The following ZC3H11A variants were observed in gnomAD, a reference collection of about 807,000 sequenced individuals.
The protein encoded by ZC3H11A is zinc finger CCCH domain-containing protein 11A.
ZC3H11A carries 22 observed loss-of-function variants against 90.8 expected under a neutral mutation model. The observed-to-expected ratio is 0.24, with a 90% CI of 0.17 to 0.35. ZC3H11A has a LOEUF of 0.35. Among genes scored for constraint, ZC3H11A ranks in the 10% least tolerant of loss-of-function variants. The pLI is 1.00. For synonymous variants in ZC3H11A, 294 were observed against 339.8 expected (o/e 0.87, Z 1.48); for missense variants, 701 against 964.9 (o/e 0.73, Z 3.62).
chr1:203,833,758 A>G (rs1463680518), intron 9 of ZC3H11A, 33 bp from the exon 10 acceptor site: 1 of 1,592,000 alleles, frequency 6.3e-7, no homozygotes, highest in Non-Finnish European at 8.5e-7. Context: ...AAAATTGACT[A>G]AGGATAGAGA....
chr1:203,850,196 T>C, intron 15 of ZC3H11A, 170 bp downstream of exon 15: 1 of 689,050 alleles, frequency 1.5e-6, no homozygotes, highest in Non-Finnish European at 2.4e-6. Context: ...ACGAGATGAA[T>C]TCTTTTCTCA....
chr1:203,802,893 G>A lies in ZC3H11A; in HGVS notation c.-269G>A, dbSNP rs1156575400. The stretch of plus-strand genomic sequence containing the variant: ...CTGAGAGGTTTTCTTGGCAATGTGA[G>A]GAGGAAATTTTTTTCTGCCTCATTA... On this transcript the variant is annotated 5_prime_UTR_variant, in exon 2 of 18. Coordinates refer to ENST00000367210, the MANE Select transcript of ZC3H11A (RefSeq NM_001376342.1). 6.6e-6 allele frequency: 1 copy of A among 152,392 alleles called. No homozygotes were observed. Among genetic ancestry groups the A allele is most frequent in the Non-Finnish European group, 1.5e-5 (1 of 67,990 alleles). 9.4% of individuals were successfully genotyped at this position (152,392 alleles called of 1,614,324 possible).
intron 5 of ZC3H11A, 76 bp from the exon 6 acceptor site, chr1:203,829,375 A>G (rs1055062121): frequency 1.2e-5 from 18 of 1,448,800 alleles, no homozygotes; most frequent in African/African-American, 1.4e-5. Flanking sequence ...TATAGTTTTC[A>G]TAGGTGGTCA....
intron 2 of ZC3H11A, among the ~76,000 whole-genome samples, chr1:203,811,681 TGTATTTTCA>T (rs1257345905): frequency 6.6e-6 from 1 of 152,236 alleles, no homozygotes; most frequent in Non-Finnish European, 1.5e-5. Flanking sequence ...GCTAATTTTT[TGTATTTTCA>T]GTAGAGATGG....
intron 2 of ZC3H11A, among the ~76,000 whole-genome samples, chr1:203,816,053 C>T (rs11799648): frequency 3.3e-5 from 5 of 152,090 alleles, no homozygotes; most frequent in East Asian, 1.9e-4. Flanking sequence ...TAAGCTAGAT[C>T]GATAGACCTT....
chr1:203,832,906 C>G (rs1194653982), intron 9 of ZC3H11A, among the ~76,000 whole-genome samples: 1 of 152,154 alleles, frequency 6.6e-6, no homozygotes, highest in African/African-American at 2.4e-5. Context: ...GTTAAGAATA[C>G]AATCTGTCTT....
intron 4 of ZC3H11A, among the ~76,000 whole-genome samples, chr1:203,824,933 C>T (rs966494803): frequency 2.0e-5 from 3 of 151,708 alleles, no homozygotes; most frequent in African/African-American, 7.3e-5. Context: ...AAAAATTAGC[C>T]GGGCATGGTG....
intron 4 of ZC3H11A, among the ~76,000 whole-genome samples, chr1:203,820,270 G>A (rs1180817232): frequency 6.6e-6 from 1 of 151,264 alleles, no homozygotes; most frequent in Non-Finnish European, 1.5e-5. Context: ...TTCAAGTGTT[G>A]CACATAGTTG....
intron 12 of ZC3H11A, among the ~76,000 whole-genome samples, chr1:203,841,944 C>T (rs1241597695): frequency 1.5e-5 from 2 of 135,194 alleles, no homozygotes; most frequent in Admixed American, 7.2e-5. Flanking sequence ...GGCAGAGACA[C>T]TCCTCAGTTC....
rs148052821 is a variant in ZC3H11A at position 203,829,821 on chromosome 1, C to G, written c.544C>G (p.Leu182Val). The G allele has an allele frequency of 8.0e-4, 1,294 of 1,614,082 alleles. 3 individuals carry two copies. The highest frequency in any genetic ancestry group is 1.0e-3 in the Non-Finnish European group (1,215 of 1,179,972). The stretch of plus-strand genomic sequence containing the variant: ...AGGTGATGAAACCAAAACACCTACC[C>G]TGCAACCAACTCCTGAAGTTCACAA... ...EEGDETKTPT[L>V]QPTPEVHNGL... is the part of the protein sequence containing the mutation. Residue 182 changes from leucine to valine, a missense_variant, in exon 7 of 18, where the codon CTG becomes GTG. Leu to Val is a conservative substitution (Grantham distance 32, BLOSUM62 1). Transcript: ENST00000367210.
In ZC3H11A at chr1:203,838,067, A is replaced by G. The variant is rs748608963; in HGVS notation, c.973+3A>G. The G allele has an allele frequency of 1.4e-5, 22 of 1,613,794 alleles. No homozygotes were observed. The highest frequency in any genetic ancestry group is 1.7e-5 in the Admixed American group (1 of 59,958). Reference sequence around the variant, plus strand: ...CATTGACAAAACACCAAAGAAAGGTACCTGTGTTCTTACATACTTTGTGTG... The same window carrying G: ...CATTGACAAAACACCAAAGAAAGGTGCCTGTGTTCTTACATACTTTGTGTG... On this transcript the variant is annotated splice_donor_region_variant and intron_variant, in intron 11 of 17. Transcript: ENST00000367210.
chr1:203,842,710 T>C (rs1435973397), intron 12 of ZC3H11A, among the ~76,000 whole-genome samples: 6 of 151,162 alleles, frequency 4.0e-5, no homozygotes, highest in African/African-American at 1.5e-4. Context: ...TTATTCTAAT[T>C]TTGTAAAGAT....
At chr1:203,839,322 A>G (rs181580012) in intron 11 of ZC3H11A, among the ~76,000 whole-genome samples, 47 of 152,356 alleles carry the variant, frequency 3.1e-4, no homozygotes, top group Admixed American at 2.0e-3. Context: ...AAGTACAGGA[A>G]TGCACTATTG....
chr1:203,823,573 C>T (rs1392491952), intron 4 of ZC3H11A, among the ~76,000 whole-genome samples: 3 of 152,182 alleles, frequency 2.0e-5, no homozygotes, highest in African/African-American at 4.8e-5. Flanking sequence ...TAACTTGGAG[C>T]GTCTAAAAGC....
chr1:203,839,180 A>C (rs1292378135), intron 11 of ZC3H11A, among the ~76,000 whole-genome samples: 2 of 152,112 alleles, frequency 1.3e-5, no homozygotes, highest in Non-Finnish European at 2.9e-5. Context: ...ACGTGGACTA[A>C]ATCAAGAGAT....
At chr1:203,842,924 C>CTT (rs35820616) in intron 12 of ZC3H11A, among the ~76,000 whole-genome samples, 55 of 146,740 alleles carry the variant, frequency 3.7e-4, no homozygotes, top group East Asian at 1.8e-3. Flanking sequence ...AGCCTTCCGT[C>CTT]TTTTTTTTTT....
chr1:203,812,105 C>T (rs12118643), intron 2 of ZC3H11A, among the ~76,000 whole-genome samples: 74,175 of 152,022 alleles, frequency 0.49, 18,664 homozygotes, highest in Non-Finnish European at 0.53. Flanking sequence ...GTATGAGTCA[C>T]CACACTGGGC....
rs553171669 is a variant in ZC3H11A at position 203,833,618 on chromosome 1, GTTTT to G, written c.812-158_812-155del. Among the ~76,000 whole-genome samples the G allele has an allele frequency of 9.7e-4, 121 of 124,814 alleles. 1 individual carries two copies. Among genetic ancestry groups the G allele is most frequent in the African/African-American group, 3.5e-3 (118 of 34,056 alleles). 81.9% of individuals were successfully genotyped at this position (124,814 alleles called of 152,430 possible). ...GGCTGTTTATTATTAATAGGTTTGG[GTTTT>G]TTTTTTTTTTTTTTGATATAATGGC... On this transcript the variant is annotated intron_variant, in intron 9 of 17. Coordinates refer to ENST00000367210, the MANE Select transcript of ZC3H11A (RefSeq NM_001376342.1).
chr1:203,797,347 T>A, intron 1 of ZC3H11A: 1 of 569,624 alleles, frequency 1.8e-6, no homozygotes, highest in Non-Finnish European at 2.9e-6. Flanking sequence ...TGTTCTCCAT[T>A]GCTGTCAGTT....
Sources: gnomAD v4.1 joint callset for allele counts (sites outside exome capture counted in the v4.1 genomes callset) on GRCh38, gnomAD v4.1.1 for gene constraint, MANE v1.5 for transcripts, NCBI Gene and HGNC (gene_info 2026-07-23, HGNC 2026-07-21) for gene names.